Variants in CA11 observed in about 807,000 individuals in gnomAD.
CA11 encodes carbonic anhydrase-related protein 11.
In CA11, 20 loss-of-function variants were observed where a neutral mutation model predicts 39.3. The observed-to-expected ratio is 0.51, with a 90% CI of 0.36 to 0.74. The LOEUF (loss-of-function observed/expected upper bound fraction) is 0.74, where lower values mean the gene tolerates loss of function less well. Among genes scored for constraint, CA11 ranks in the 30% least tolerant of loss-of-function variants. The pLI is 0.00. For synonymous variants in CA11, 166 were observed against 172.5 expected, an observed-to-expected ratio of 0.96 and a Z score of 0.29; for missense variants, 336 against 424.6, an observed-to-expected ratio of 0.79 and a Z score of 1.83.
At position 48,638,950 on chromosome 19, in the gene CA11, C is replaced by G. The variant is rs948234190; in HGVS notation, c.899G>C (p.Arg300Thr). 6.2e-7 allele frequency: 1 copy of G among 1,612,304 alleles called. No homozygotes were observed. Among genetic ancestry groups the G allele is most frequent in the African/African-American group, 1.3e-5 (1 of 74,846 alleles). ...PLQPLAHRAL[R>T]GNRDPRHPER... ...GGGGTGCCGGGGGTCCCTGTTGCCC[C>G]TCAGTGCCCTGTGGGCCAAGGGCTG... is the stretch of plus-strand genomic sequence containing the variant. The change falls in exon 8 of 9, where the codon AGG (arginine) becomes ACG (threonine). Residue 300 changes from arginine (R) to threonine (T), a missense_variant. Arg to Thr is a moderately conservative substitution (Grantham distance 71). Transcript: ENST00000084798.
At chr19:48,641,618 C>T (rs1290745083) in intron 3 of CA11, among the ~76,000 whole-genome samples, 1 of 152,026 alleles carries the variant, frequency 6.6e-6, no homozygotes, top group East Asian at 1.9e-4. Context: ...TCAGGAAAAG[C>T]TTCCCTGCAA....
In CA11 at chr19:48,640,148, G is replaced by A; in HGVS notation, c.418C>T (p.Arg140Cys). The A allele has an allele frequency of 6.2e-7, 1 of 1,614,000 alleles. No individual in the cohort carries two copies. The highest frequency in any genetic ancestry group is 8.5e-7 in the Non-Finnish European group (1 of 1,179,990). Residue 140 changes from arginine to cysteine, a missense_variant, in exon 4 of 9, where the codon CGC (arginine) becomes TGC (cysteine). By Grantham distance (180) the Arg-to-Cys change is radical. Transcript: ENST00000084798. ...LSELRLLFGA[R>C]DGAGSEHQIN... ...TGATGTTCCGAGCCGGCTCCGTCGC[G>A]AGCTCCAAACAGCAGCCGCAGTTCA...
chr19:48,638,363 G>T, intron 8 of CA11: 1 of 377,140 alleles, frequency 2.7e-6, no homozygotes, highest in Non-Finnish European at 3.3e-6. Flanking sequence ...TGAACTACTT[G>T]AAGGTCTTCA....
chr19:48,645,265 C>A, intron 2 of CA11, 138 bp downstream of exon 2: 1 of 706,204 alleles, frequency 1.4e-6, no homozygotes, highest in Admixed American at 2.7e-5. Flanking sequence ...CAGAAGCTGG[C>A]CCGACTCCTG....
In CA11 at chr19:48,645,903, C is replaced by T. The variant is rs959848387; in HGVS notation, c.-271G>A. The T allele has an allele frequency of 4.0e-6, 2 of 495,974 alleles. No homozygotes were observed. Among genetic ancestry groups the T allele is most frequent in the African/African-American group, 4.0e-5 (2 of 49,618 alleles). 30.7% of individuals were successfully genotyped at this position (495,974 alleles called of 1,614,324 possible). A position where few individuals can be genotyped will look rare whatever the true frequency, so the allele number is the denominator to read the frequency against. ...CAGTCTCCCTCTAGCTCCTGATCTTCCTACTCCTCTCAGCCTTCTGCTGCC... is the reference window on the plus strand; with the variant it reads ...CAGTCTCCCTCTAGCTCCTGATCTTTCTACTCCTCTCAGCCTTCTGCTGCC... On this transcript the variant is annotated 5_prime_UTR_variant, in exon 1 of 9. Transcript: ENST00000084798.
chr19:48,641,276 G>A (rs1386319131), intron 3 of CA11, among the ~76,000 whole-genome samples: 7 of 152,168 alleles, frequency 4.6e-5, no homozygotes, highest in Admixed American at 4.6e-4. Flanking sequence ...CACCGTGCCT[G>A]GCCTCCAACA....
At position 48,645,410 on chromosome 19, in the gene CA11, G is replaced by A. The variant is rs772965243; in HGVS notation, c.135C>T (p.Phe45=). Residue 45 remains phenylalanine (F), a synonymous_variant, in exon 2 of 9, where the codon TTC becomes TTT. Coordinates refer to ENST00000084798, the MANE Select transcript of CA11 (RefSeq NM_001217.5). The part of the protein sequence containing the change: ...WSYKDNLQGN[F]VPGPPFWGLV... ...TCCCCGCCTTGGCGGCACCTGGCAC[G>A]AAGTTTCCCTGGAGATTATCCTTGT... is the stretch of plus-strand genomic sequence containing the variant. The A allele has an allele frequency of 2.5e-6, 4 of 1,587,872 alleles. No individual in the cohort carries two copies. The highest frequency in any genetic ancestry group is 1.8e-5 in the Admixed American group (1 of 55,932).
chr19:48,641,925 A>G (rs2031100930), intron 3 of CA11, among the ~76,000 whole-genome samples: 2 of 147,562 alleles, frequency 1.4e-5, no homozygotes, highest in Admixed American at 1.4e-4. Flanking sequence ...TTAGCCTCTG[A>G]AAAATACTGG....
rs543851788 is a variant in CA11 at position 48,643,254 on chromosome 19, G to A, written c.285+1173C>T. ...AGATGGAGTCTTGTTCTGTCACCCAGGCTGGAGTCCAGTGGCGTGATGTCA... is the reference window on the plus strand; with the variant it reads ...AGATGGAGTCTTGTTCTGTCACCCAAGCTGGAGTCCAGTGGCGTGATGTCA... On this transcript the variant is annotated intron_variant, in intron 3 of 8. Transcript: ENST00000084798. This position sits in a 1 kb window ranked among gnomAD's most constrained non-coding sequence, Gnocchi z 4.3. 1.3e-5 allele frequency among the ~76,000 whole-genome samples: 2 copies of A among 152,100 alleles called. No homozygotes were observed. Among genetic ancestry groups the A allele is most frequent in the South Asian group, 4.2e-4 (2 of 4,804 alleles).
rs1320445696 is a variant in CA11 at position 48,637,967 on chromosome 19, T to C, written c.*152A>G. The C allele has an allele frequency of 8.4e-6, 4 of 476,996 alleles. No individual in the cohort carries two copies. Among genetic ancestry groups the C allele is most frequent in the Non-Finnish European group, 1.5e-5 (4 of 270,354 alleles). The allele number at this position is 476,996 out of a possible 1,614,324, so 29.5% of individuals were successfully genotyped here. ...TTGGTTTCCGGAAGAAGTCTGTTCT[T>C]TAATACCCAAATGTTTCCCCACCGC... On this transcript the variant is annotated 3_prime_UTR_variant, in exon 9 of 9. Transcript: ENST00000084798.
chr19:48,644,665 A>G, intron 2 of CA11, 96 bp from the exon 3 acceptor site: 2 of 1,081,894 alleles, frequency 1.8e-6, no homozygotes, highest in Admixed American at 3.1e-5. Flanking sequence ...CTGGACTCCC[A>G]GATCCCAGGG....
Position 48,646,053 on chromosome 19 carries a change from C to T in CA11, c.-421G>A, listed in dbSNP as rs2031240559. ...CCTCCTCCTCCTCCCTCTCTCCTTTCCAGCTCCTGCCTCTTCTCCCCTCTC... is the reference window on the plus strand; with the variant it reads ...CCTCCTCCTCCTCCCTCTCTCCTTTTCAGCTCCTGCCTCTTCTCCCCTCTC... On this transcript the variant is annotated 5_prime_UTR_variant, in exon 1 of 9. Coordinates refer to ENST00000084798, the MANE Select transcript of CA11 (RefSeq NM_001217.5). The T allele has an allele frequency of 8.1e-6, 3 of 371,692 alleles. No individual in the cohort carries two copies. Among genetic ancestry groups the T allele is most frequent in the Non-Finnish European group, 1.4e-5 (3 of 208,260 alleles). The allele number at this position is 371,692 out of a possible 1,614,324, so 23.0% of individuals were successfully genotyped here.
Position 48,645,490 on chromosome 19 carries a change from C to A in CA11, c.68-13G>T. On this transcript the variant is annotated splice_polypyrimidine_tract_variant and intron_variant, in intron 1 of 8. Transcript: ENST00000084798. ...GGTCCGATGTGAGCTGGGAAGAGAGCAGCCTGAATCCCTCTCCTTGGCATC... is the reference window on the plus strand; with the variant it reads ...GGTCCGATGTGAGCTGGGAAGAGAGAAGCCTGAATCCCTCTCCTTGGCATC... 6.2e-7 allele frequency: 1 copy of A among 1,602,202 alleles called. No individual in the cohort carries two copies. The highest frequency in any genetic ancestry group is 8.5e-7 in the Non-Finnish European group (1 of 1,174,090).
chr19:48,641,038 G>T (rs2031069647), intron 3 of CA11, among the ~76,000 whole-genome samples: 2 of 149,052 alleles, frequency 1.3e-5, no homozygotes, highest in South Asian at 4.3e-4. Context: ...GGAGTGCAGT[G>T]GTGAGATCTC....
At chr19:48,638,787 C>G in intron 8 of CA11, 101 bp downstream of exon 8, 1 of 1,255,630 alleles carries the variant, frequency 8.0e-7, no homozygotes, top group Non-Finnish European at 1.1e-6. Context: ...ACCATATAGA[C>G]GCAGGAAGGA....
At position 48,643,157 on chromosome 19, in the gene CA11, CTCTT is replaced by C. The variant is rs976862177; in HGVS notation, c.285+1266_285+1269del. Among the ~76,000 whole-genome samples, 3 of 151,918 alleles carry C rather than the reference CTCTT, an allele frequency of 2.0e-5. No homozygotes were observed. Among genetic ancestry groups the C allele is most frequent in the African/African-American group, 4.8e-5 (2 of 41,322 alleles). On this transcript the variant is annotated intron_variant, in intron 3 of 8. Transcript: ENST00000084798. This position sits in a 1 kb window ranked among gnomAD's most constrained non-coding sequence, Gnocchi z 4.3. ...TTCCTTCCCTTCCTTCCTTCCTTCT[CTCTT>C]TCTCTCTTTCTTTCTCGCTCTCTCT...
chr19:48,638,208 G>A, intron 8 of CA11, 64 bp from the exon 9 acceptor site: 1 of 1,188,248 alleles, frequency 8.4e-7, no homozygotes, highest in Non-Finnish European at 1.1e-6. Context: ...GGGGTGTGCA[G>A]GGGGCGTGGG....
intron 8 of CA11, among the ~76,000 whole-genome samples, chr19:48,638,619 G>A (rs2030937650): frequency 6.6e-6 from 1 of 152,096 alleles, no homozygotes; most frequent in African/African-American, 2.4e-5. Flanking sequence ...TAGGTAATTG[G>A]ACCATAGGAA....
chr19:48,639,334 C>G lies in CA11; in HGVS notation c.766G>C (p.Asp256His). The change falls in exon 7 of 9, where the codon GAC becomes CAC. Residue 256 changes from aspartate to histidine, a missense_variant. Transcript: ENST00000084798. The part of the protein sequence containing the change: ...CSETVTWILI[D>H]RALNITSLQM... ...AGGGAGGTGATATTGAGGGCCCGGT[C>G]AATGAGGATCCAGGTGACAGTCTCG... is the stretch of plus-strand genomic sequence containing the variant. 6.2e-7 allele frequency: 1 copy of G among 1,613,528 alleles called. No homozygotes were observed. Among genetic ancestry groups the G allele is most frequent in the Non-Finnish European group, 8.5e-7 (1 of 1,179,894 alleles).
Sources: gnomAD v4.1 joint callset for allele counts (sites outside exome capture counted in the v4.1 genomes callset) on GRCh38, gnomAD v4.1.1 for gene constraint, Gnocchi (gnomAD v3.1) non-coding constraint, MANE v1.5 for transcripts, NCBI Gene and HGNC (gene_info 2026-07-23, HGNC 2026-07-21) for gene names.